Variants in SOD2 observed in about 807,000 individuals in gnomAD.
The protein encoded by SOD2 is superoxide dismutase [Mn], mitochondrial.
A neutral mutation model predicts 27.0 loss-of-function variants in SOD2; 11 were observed. The ratio of observed to expected loss-of-function variants is 0.41; its 90% CI spans 0.26 to 0.67. SOD2 has a LOEUF of 0.67. Among genes scored for constraint, SOD2 ranks in the 30% least tolerant of loss-of-function variants. SOD2 has a pLI of 0.34. For synonymous variants in SOD2, 105 were observed against 103.0 expected (o/e 1.02, Z -0.12); for missense variants, 250 against 274.5 (o/e 0.91, Z 0.63).
chr6:159,729,038 G>C (rs1212448818), upstream of SOD2, among the ~76,000 whole-genome samples: 1 of 152,128 alleles, frequency 6.6e-6, no homozygotes, highest in East Asian at 1.9e-4. Flanking sequence ...AAATATTTTT[G>C]TGTATTGTTT....
At position 159,720,097 on chromosome 6, in the gene SOD2, C is replaced by T. The variant is rs528677846; in HGVS notation, c.-116+7032G>A. On this transcript the variant is annotated intron_variant, in intron 1 of 2. Transcript: ENST00000401980. ...CCAGGCTGGAGTGCAGTGGCACGATCTCAGCTCATTGCAACCTCTGCCTCC... is the reference window on the plus strand; with the variant it reads ...CCAGGCTGGAGTGCAGTGGCACGATTTCAGCTCATTGCAACCTCTGCCTCC... Among the ~76,000 whole-genome samples, 3 of 150,732 alleles carry T rather than the reference C, an allele frequency of 2.0e-5. No individual in the cohort carries two copies. The South Asian group carries it at 6.3e-4, about 32-fold the overall frequency.
chr6:159,689,491 T>C (rs1780348961), intron 2 of SOD2, among the ~76,000 whole-genome samples: 1 of 152,180 alleles, frequency 6.6e-6, no homozygotes, highest in Non-Finnish European at 1.5e-5. Flanking sequence ...AAATGAACTA[T>C]TAATATTAGA....
intron 1 of SOD2, chr6:159,742,038 T>C: frequency 7.8e-7 from 1 of 1,279,782 alleles, no homozygotes. Flanking sequence ...CTAGTTTATT[T>C]AATAAACTAT....
Position 159,674,163 on chromosome 6 carries a change from A to C in SOD2, c.*8330T>G, listed in dbSNP as rs1452054722. On this transcript the variant is annotated 3_prime_UTR_variant, in exon 5 of 5. Transcript: ENST00000538183. ...TGGATTCACAGCCGAATTCTACCAG[A>C]GGTACAAGGAAGAGCTGGTACCATT... The C allele has an allele frequency of 6.6e-6, 1 of 152,230 alleles. No homozygotes were observed. The highest frequency in any genetic ancestry group is 1.5e-5 in the Non-Finnish European group (1 of 68,042). The allele number at this position is 152,230 out of a possible 1,614,324, so 9.4% of individuals were successfully genotyped here.
At chr6:159,743,475 G>A (rs1489710668) in intron 1 of SOD2, among the ~76,000 whole-genome samples, 2 of 152,202 alleles carry the variant, frequency 1.3e-5, no homozygotes, top group African/African-American at 2.4e-5. Flanking sequence ...TAGTAGTCAT[G>A]GAGCACTATG....
intron 1 of SOD2, among the ~76,000 whole-genome samples, chr6:159,708,781 C>T (rs946720715): frequency 6.0e-4 from 91 of 152,224 alleles, no homozygotes; most frequent in African/African-American, 1.8e-3. Flanking sequence ...TTAAAGTTCA[C>T]ATGGAACCAA....
chr6:159,712,454 C>T (rs576569285), intron 1 of SOD2, among the ~76,000 whole-genome samples: 513 of 27,486 alleles, frequency 0.019, 75 homozygotes, highest in Admixed American at 0.03. Context: ...ACTGCTCAGA[C>T]CTCCATAACC....
In SOD2 at chr6:159,680,196, T is replaced by C. The variant is rs1582998877; in HGVS notation, c.*2297A>G. On this transcript the variant is annotated 3_prime_UTR_variant, in exon 5 of 5. Transcript: ENST00000538183. ...AGATCTGCAAACCTTGTTAGTTCAATACAAACCATGATCTAGCAGACAACT... is the reference window on the plus strand; with the variant it reads ...AGATCTGCAAACCTTGTTAGTTCAACACAAACCATGATCTAGCAGACAACT... 6.6e-6 allele frequency: 1 copy of C among 152,194 alleles called. No individual in the cohort carries two copies. The allele number at this position is 152,194 out of a possible 1,614,324, so 9.4% of individuals were successfully genotyped here. A position where few individuals can be genotyped will look rare whatever the true frequency, so the allele number is the denominator to read the frequency against.
chr6:159,756,509 T>G (rs187546468), intron 1 of SOD2, among the ~76,000 whole-genome samples: 1 of 150,596 alleles, frequency 6.6e-6, no homozygotes. Context: ...AGGGCTACAC[T>G]TAAAATTTTT....
chr6:159,691,341 T>C (rs1050749818), intron 2 of SOD2: 4 of 152,210 alleles, frequency 2.6e-5, no homozygotes, highest in Admixed American at 6.5e-5. Context: ...CTGTCTCAAG[T>C]AAATCTTCCA....
rs773206996 is a variant in SOD2, at chr6:159,726,955, GT to G, written c.-116+173del. ...ACACGCGGAAGCATCACGGATGAGC[GT>G]CACGAACACAGAGCGGCCAATCACG... On this transcript the variant is annotated intron_variant, in intron 1 of 2. Coordinates refer to the SOD2 transcript ENST00000401980. 184 of 1,287,308 alleles carry G rather than the reference GT, an allele frequency of 1.4e-4. 1 individual carries two copies. The South Asian group carries it at 2.2e-3, about 15-fold the overall frequency. 79.7% of individuals were successfully genotyped at this position (1,287,308 alleles called of 1,614,324 possible). A position where few individuals can be genotyped will look rare whatever the true frequency, so the allele number is the denominator to read the frequency against.
At chr6:159,753,529 G>T (rs1292409675) in intron 1 of SOD2, 1 of 1,614,212 alleles carries the variant, frequency 6.2e-7, no homozygotes, top group South Asian at 1.1e-5. Context: ...TTGGAAGGCA[G>T]CTGTCCCAGG....
At chr6:159,699,843 A>G (rs1420262725) in intron 1 of SOD2, among the ~76,000 whole-genome samples, 2 of 151,352 alleles carry the variant, frequency 1.3e-5, no homozygotes, top group Admixed American at 6.6e-5. Context: ...AGCAGCCAAA[A>G]TAGGTACACA....
chr6:159,735,233 C>G (rs894223460), intron 1 of SOD2, among the ~76,000 whole-genome samples: 41 of 152,234 alleles, frequency 2.7e-4, no homozygotes, highest in Admixed American at 1.9e-3. Flanking sequence ...CTCCGCCTCC[C>G]AGGTTCAGGC....
chr6:159,690,002 G>C (rs1259383740), intron 2 of SOD2, among the ~76,000 whole-genome samples: 1 of 151,612 alleles, frequency 6.6e-6, no homozygotes, highest in Admixed American at 6.6e-5. Context: ...ATACATACAA[G>C]GCCAGGTGAG....
At position 159,703,016 on chromosome 6, in the gene SOD2, T is replaced by TA. The variant is rs201391357; in HGVS notation, c.-115-10154dup. 6.5e-3 allele frequency among the ~76,000 whole-genome samples: 986 copies of TA among 150,794 alleles called. 5 individuals are homozygous for TA. The highest frequency in any genetic ancestry group is 0.011 in the Non-Finnish European group (722 of 67,650). ...CTGGCCAACAGTGAAACCTCATCTT[T>TA]AAAAAAAATGGCTTCCGGCCAGGCA... On this transcript the variant is annotated intron_variant, in intron 1 of 2. Transcript: ENST00000401980.
intron 1 of SOD2, among the ~76,000 whole-genome samples, chr6:159,718,762 T>A (rs1294827970): frequency 2.0e-5 from 3 of 152,042 alleles, no homozygotes; most frequent in Non-Finnish European, 4.4e-5. Context: ...CTAAGGTAAA[T>A]AAATAATGTG....
intron 1 of SOD2, among the ~76,000 whole-genome samples, chr6:159,716,090 G>A (rs77859454): frequency 6.6e-6 from 1 of 152,264 alleles, no homozygotes; most frequent in African/African-American, 2.4e-5. Context: ...AAAGCAAAGT[G>A]TCACAGAAAA....
chr6:159,687,295 G>A (rs961522761), intron 3 of SOD2, among the ~76,000 whole-genome samples: 2 of 152,012 alleles, frequency 1.3e-5, no homozygotes, highest in South Asian at 2.1e-4. Flanking sequence ...GACCAGCCCC[G>A]CCAACATGGT....
Sources: gnomAD v4.1 joint callset for allele counts (sites outside exome capture counted in the v4.1 genomes callset) on GRCh38, gnomAD v4.1.1 for gene constraint, MANE v1.5 for transcripts, NCBI Gene and HGNC (gene_info 2026-07-23, HGNC 2026-07-21) for gene names.